KRT28: variants seen among roughly 807,000 people sequenced by gnomAD.
KRT28 encodes the protein keratin 28, also known as keratin, type I cytoskeletal 28.
In KRT28, 45 loss-of-function variants were observed where a neutral mutation model predicts 48.1. The observed-to-expected ratio is 0.94, with a 90% CI of 0.74 to 1.20. The LOEUF is 1.20. KRT28 is among the 50% of genes most tolerant of loss of function. KRT28 has a pLI of 0.00. For synonymous variants in KRT28, 228 were observed against 227.4 expected, an observed-to-expected ratio of 1.00 and a Z score of -0.03; for missense variants, 571 against 574.1, an observed-to-expected ratio of 0.99 and a Z score of 0.06.
intron 5 of KRT28, among the ~76,000 whole-genome samples, chr17:40,794,939 G>A (rs1218217749): frequency 6.6e-6 from 1 of 152,100 alleles, no homozygotes; most frequent in Non-Finnish European, 1.5e-5. Flanking sequence ...ACATTTTCTA[G>A]GGTAGTTAGG....
chr17:40,799,746 C>G lies in KRT28; in HGVS notation c.148G>C (p.Gly50Arg), dbSNP rs750001454. The change falls in exon 1 of 8, where the codon GGA (glycine) becomes CGA (arginine). Residue 50 changes from glycine (G) to arginine (R), a missense_variant. Transcript: ENST00000306658. Reference protein sequence around the residue: ...VAGSEFSCALGGGLGSVPGGS... With the variant: ...VAGSEFSCALRGGLGSVPGGS... The stretch of plus-strand genomic sequence containing the variant: ...CCAGGAACACTGCCCAAGCCCCCTC[C>G]CAAGGCACAGGAAAATTCACTTCCA... 4 of 1,614,088 alleles carry G rather than the reference C, an allele frequency of 2.5e-6. No homozygotes were observed. The Admixed American group carries it at 5.0e-5, about 20-fold the overall frequency.
At chr17:40,798,838 G>T (rs1353808405) in intron 2 of KRT28, 79 bp downstream of exon 2, 2 of 896,542 alleles carry the variant, frequency 2.2e-6, no homozygotes, top group Non-Finnish European at 3.6e-6. Flanking sequence ...ATTCTACTTG[G>T]GATGAAATAG....
At chr17:40,793,300 CA>C (rs2143066374) in intron 6 of KRT28, 90 bp from the exon 7 acceptor site, 8 of 773,672 alleles carry the variant, frequency 1.0e-5, no homozygotes, top group African/African-American at 1.9e-5. Context: ...ATTTGTATGC[CA>C]AAAACAGGTC....
rs1278701307 is a variant in KRT28 at position 40,792,421 on chromosome 17, T to C, written c.*6A>G. 6 of 1,603,422 alleles carry C rather than the reference T, an allele frequency of 3.7e-6. No homozygotes were observed. The East Asian group carries it at 1.1e-4, about 30-fold the overall frequency. ...TCCCAAATTATTCTTTTCTCTAAAA[T>C]GACAGCTAGAAAGGAACCCTTTGTT... On this transcript the variant is annotated 3_prime_UTR_variant, in exon 8 of 8. Coordinates refer to ENST00000306658, the MANE Select transcript of KRT28 (RefSeq NM_181535.3).
intron 4 of KRT28, 38 bp from the exon 5 acceptor site, chr17:40,797,079 C>A (rs75532190): frequency 6.2e-7 from 1 of 1,611,008 alleles, no homozygotes; most frequent in Non-Finnish European, 8.5e-7. Flanking sequence ...GGAGTCCCCA[C>A]CCCCGGGGAG....
chr17:40,793,170 C>T lies in KRT28; in HGVS notation c.1237G>A (p.Gly413Arg). 6.4e-7 allele frequency: 1 copy of T among 1,565,726 alleles called. No homozygotes were observed. The highest frequency in any genetic ancestry group is 1.2e-5 in the South Asian group (1 of 84,280). Residue 413 changes from glycine to arginine, a missense_variant, in exon 7 of 8, where the codon GGG becomes AGG. Gly to Arg is a moderately radical substitution (Grantham distance 125, BLOSUM62 -2). Coordinates refer to ENST00000306658, the MANE Select transcript of KRT28 (RefSeq NM_181535.3). ...KSKGFGSGSP[G>R]NSSKDLSKTT... ...ATTTTATTACCTTTAGATGAATTCC[C>T]AGGGCTTCCTGATCCAAAGCCCTTT...
chr17:40,797,039 G>A lies in KRT28; in HGVS notation c.855C>T (p.Ser285=). ...GGGAGATCTGTTGCTGCAGCGAGGC[G>A]CTCTGTAGGGCCGGGAAAAAGGGTC... is the stretch of plus-strand genomic sequence containing the variant. ...KDAEAWFNEK[S]ASLQQQISHD... Residue 285 remains serine (S), a splice_region_variant and synonymous_variant, in exon 5 of 8, where the codon AGC becomes AGT. Transcript: ENST00000306658. 5.0e-6 allele frequency: 8 copies of A among 1,610,778 alleles called. No individual in the cohort carries two copies. Among genetic ancestry groups the A allele is most frequent in the Non-Finnish European group, 5.9e-6 (7 of 1,178,272 alleles).
At position 40,793,212 on chromosome 17, in the gene KRT28, TG is replaced by T. The variant is rs1904532038; in HGVS notation, c.1197-3del. ...AAGCCCTTTGATTTGGAGCATGAAC[TG>T]TAAAAGAAATATAGTTTATTCTTTT... On this transcript the variant is annotated splice_region_variant and splice_polypyrimidine_tract_variant and intron_variant, in intron 6 of 7. Coordinates refer to ENST00000306658, the MANE Select transcript of KRT28 (RefSeq NM_181535.3). The T allele has an allele frequency of 1.3e-6, 2 of 1,534,108 alleles. No individual in the cohort carries two copies. Among genetic ancestry groups the T allele is most frequent in the African/African-American group, 2.8e-5 (2 of 70,432 alleles).
At chr17:40,798,761 T>A (rs1341461935) in intron 2 of KRT28, among the ~76,000 whole-genome samples, 156 bp downstream of exon 2, 1 of 152,252 alleles carries the variant, frequency 6.6e-6, no homozygotes, top group Non-Finnish European at 1.5e-5. Flanking sequence ...ATAATAACTA[T>A]GTATAAGTTG....
In KRT28 at chr17:40,797,054, G is replaced by A. The variant is rs372299804; in HGVS notation, c.853-13C>T. 16 of 1,609,870 alleles carry A rather than the reference G, an allele frequency of 9.9e-6. 1 individual carries two copies. The South Asian group carries it at 1.4e-4, about 14-fold the overall frequency. On this transcript the variant is annotated splice_polypyrimidine_tract_variant and intron_variant, in intron 4 of 7. Transcript: ENST00000306658. ...GCAGCGAGGCGCTCTGTAGGGCCGG[G>A]AAAAAGGGTCACACGGAGTCCCCAC...
At chr17:40,795,420 G>A (rs1358416246) in intron 5 of KRT28, among the ~76,000 whole-genome samples, 2 of 152,118 alleles carry the variant, frequency 1.3e-5, no homozygotes, top group Non-Finnish European at 2.9e-5. Flanking sequence ...CACCGTGAAG[G>A]CTGGCTTGTC....
chr17:40,796,589 C>T (rs1214666699), intron 5 of KRT28, among the ~76,000 whole-genome samples: 1 of 152,194 alleles, frequency 6.6e-6, no homozygotes, highest in African/African-American at 2.4e-5. Context: ...AGACCTGTGG[C>T]TAATTTTCTG....
Position 40,798,247 on chromosome 17 carries a change from C to G in KRT28, c.678G>C (p.Lys226Asn). Residue 226 changes from lysine to asparagine, a missense_variant, in exon 3 of 8, where the codon AAG becomes AAC. Coordinates refer to ENST00000306658, the MANE Select transcript of KRT28 (RefSeq NM_181535.3). ...AAGCTTCTCCTACCTCTTCGTGGTTCTTTTTGAGATATGTCATCTCCTCAC... is the reference window on the plus strand; with the variant it reads ...AAGCTTCTCCTACCTCTTCGTGGTTGTTTTTGAGATATGTCATCTCCTCAC... ...SLSEEMTYLK[K>N]NHEEEMKALQ... 1 of 1,604,042 alleles carries G rather than the reference C, an allele frequency of 6.2e-7. No homozygotes were observed. The highest frequency in any genetic ancestry group is 8.5e-7 in the Non-Finnish European group (1 of 1,171,558).
chr17:40,793,390 TATAA>T (rs1365663584), intron 6 of KRT28, among the ~76,000 whole-genome samples, 180 bp from the exon 7 acceptor site: 1 of 151,932 alleles, frequency 6.6e-6, no homozygotes, highest in Non-Finnish European at 1.5e-5. Context: ...AAAGAGAGAA[TATAA>T]ATAAATCTTG....
At chr17:40,797,096 G>A (rs1273009567) in intron 4 of KRT28, 24 bp downstream of exon 4, 1 of 1,612,540 alleles carries the variant, frequency 6.2e-7, no homozygotes, top group African/African-American at 1.3e-5. Flanking sequence ...GGAGGTGTGA[G>A]CAGGGAGACG....
chr17:40,799,207 CT>C (rs1476902951), intron 1 of KRT28, among the ~76,000 whole-genome samples: 2 of 152,080 alleles, frequency 1.3e-5, no homozygotes, highest in Non-Finnish European at 2.9e-5. Context: ...AACTACAATA[CT>C]TTTTTATTCA....
In KRT28 at chr17:40,793,963, G is replaced by A; in HGVS notation, c.1062C>T (p.Ala354=). ...QLAQIQAQIG[A]LEEQLHQVRT... is the part of the protein sequence containing the mutation. ...TGACCTGGTGCAGCTGCTCCTCCAG[G>A]GCCCCGATCTGAGCCTGGATCTGCG... Residue 354 remains alanine, a synonymous_variant, in exon 6 of 8, where the codon GCC becomes GCT. Coordinates refer to ENST00000306658, the MANE Select transcript of KRT28 (RefSeq NM_181535.3). 1 of 1,613,828 alleles carries A rather than the reference G, an allele frequency of 6.2e-7. No individual in the cohort carries two copies.
intron 3 of KRT28, 57 bp downstream of exon 3, chr17:40,798,178 G>T (rs888312886): frequency 4.6e-6 from 7 of 1,507,378 alleles, no homozygotes; most frequent in Middle Eastern, 1.8e-4. Context: ...CCCAACCCCT[G>T]CCCAGTATTT....
chr17:40,799,110 T>C, intron 1 of KRT28, 111 bp from the exon 2 acceptor site: 2 of 669,980 alleles, frequency 3.0e-6, no homozygotes, highest in Non-Finnish European at 5.1e-6. Flanking sequence ...TTTCACCTCC[T>C]TATGTAATAA....
Sources: gnomAD v4.1 joint callset for allele counts (sites outside exome capture counted in the v4.1 genomes callset) on GRCh38, gnomAD v4.1.1 for gene constraint, MANE v1.5 for transcripts, NCBI Gene and HGNC (gene_info 2026-07-23, HGNC 2026-07-21) for gene names.